The following CCDC85A variants were observed in gnomAD, a reference collection of about 807,000 sequenced individuals.
CCDC85A encodes the protein coiled-coil domain containing 85A.
Under a neutral mutation model 50.2 loss-of-function variants are expected in CCDC85A, and 38 were observed. The ratio of observed to expected loss-of-function variants is 0.76; its 90% CI spans 0.58 to 0.99. CCDC85A has a LOEUF of 0.99. Ranked by LOEUF, CCDC85A falls within the 50% of genes least tolerant of loss-of-function variation. The pLI is 0.00. For synonymous variants in CCDC85A, 366 were observed against 301.4 expected, an observed-to-expected ratio of 1.21 and a Z score of -2.22; for missense variants, 820 against 742.0, an observed-to-expected ratio of 1.11 and a Z score of -1.22.
chr2:56,259,745 A>C (rs1670141894), intron 2 of CCDC85A, among the ~76,000 whole-genome samples: 1 of 152,174 alleles, frequency 6.6e-6, no homozygotes, highest in South Asian at 2.1e-4. Context: ...CATTAGCCAA[A>C]GTTCTGCCCT....
At chr2:56,204,927 A>G (rs1025384605) in intron 2 of CCDC85A, among the ~76,000 whole-genome samples, 29 of 152,312 alleles carry the variant, frequency 1.9e-4, no homozygotes, top group Non-Finnish European at 1.5e-4. Flanking sequence ...TAAACAGGCT[A>G]TAGTAGAGGT....
intron 2 of CCDC85A, among the ~76,000 whole-genome samples, chr2:56,235,034 C>T (rs767499659): frequency 6.6e-6 from 1 of 152,124 alleles, no homozygotes; most frequent in Non-Finnish European, 1.5e-5. Flanking sequence ...CTTTTAGGGT[C>T]ATTAATTTCC....
intron 2 of CCDC85A, among the ~76,000 whole-genome samples, chr2:56,245,735 TCTCTAAGAGG>T (rs1250384063): frequency 6.6e-6 from 1 of 151,998 alleles, no homozygotes; most frequent in African/African-American, 2.4e-5. Context: ...GGAGGTGGGG[TCTCTAAGAGG>T]TGAGACCTCT....
intron 2 of CCDC85A, among the ~76,000 whole-genome samples, chr2:56,229,464 C>T (rs1668686345): frequency 6.6e-6 from 1 of 152,084 alleles, no homozygotes; most frequent in Admixed American, 6.6e-5. Flanking sequence ...TCAGTGATTG[C>T]CCACCATTTT....
intron 2 of CCDC85A, among the ~76,000 whole-genome samples, chr2:56,292,798 C>T (rs1207635671): frequency 1.3e-5 from 2 of 152,174 alleles, no homozygotes; most frequent in African/African-American, 4.8e-5. Flanking sequence ...GAGTATCATT[C>T]TATTCCATTA....
chr2:56,196,092 T>C (rs1177580187), intron 2 of CCDC85A, among the ~76,000 whole-genome samples: 12 of 152,212 alleles, frequency 7.9e-5, no homozygotes. Flanking sequence ...CAAGAGTTTC[T>C]TTTGGGAATG....
chr2:56,245,690 C>A (rs1224025500), intron 2 of CCDC85A, among the ~76,000 whole-genome samples: 2 of 152,158 alleles, frequency 1.3e-5, no homozygotes, highest in African/African-American at 4.8e-5. Context: ...ATATGCCCTT[C>A]CCAAAATTCA....
intron 2 of CCDC85A, 118 bp downstream of exon 2, chr2:56,193,558 G>A: frequency 8.5e-7 from 1 of 1,181,734 alleles, no homozygotes; most frequent in East Asian, 2.6e-5. Flanking sequence ...GAGTGGGTTT[G>A]GGGAAGGAGC....
intron 3 of CCDC85A, among the ~76,000 whole-genome samples, chr2:56,351,769 T>C (rs1166030708): frequency 6.6e-6 from 1 of 151,184 alleles, no homozygotes; most frequent in Non-Finnish European, 1.5e-5. Context: ...GTCAGATGAG[T>C]AGGTTGCGAA....
chr2:56,385,592 A>C lies in CCDC85A; in HGVS notation c.*1237A>C, dbSNP rs1558670723. On this transcript the variant is annotated 3_prime_UTR_variant, in exon 6 of 6. Transcript: ENST00000407595. ...TTTTTATGGTAGTTTAAGATTATAA[A>C]AGTAGAAATGCAACAATTCCCAGTT... 1 of 152,190 alleles carries C rather than the reference A, an allele frequency of 6.6e-6. No individual in the cohort carries two copies. Among genetic ancestry groups the C allele is most frequent in the Non-Finnish European group, 1.5e-5 (1 of 67,826 alleles). 9.4% of individuals were successfully genotyped at this position (152,190 alleles called of 1,614,324 possible).
At chr2:56,239,369 T>C (rs1669157165) in intron 2 of CCDC85A, among the ~76,000 whole-genome samples, 1 of 152,230 alleles carries the variant, frequency 6.6e-6, no homozygotes, top group Non-Finnish European at 1.5e-5. Flanking sequence ...TTATGAAACC[T>C]GGCGGACTAA....
intron 2 of CCDC85A, among the ~76,000 whole-genome samples, chr2:56,227,729 T>C (rs1418908629): frequency 6.6e-6 from 1 of 152,070 alleles, no homozygotes; most frequent in Non-Finnish European, 1.5e-5. Context: ...ATTTTTTTTT[T>C]TGGTGTATTT....
intron 2 of CCDC85A, among the ~76,000 whole-genome samples, chr2:56,229,230 T>A (rs1294170441): frequency 6.6e-6 from 1 of 152,206 alleles, no homozygotes; most frequent in Non-Finnish European, 1.5e-5. Flanking sequence ...CCAGTGTTTT[T>A]CCCCTTTACC....
intron 2 of CCDC85A, among the ~76,000 whole-genome samples, chr2:56,303,003 T>C (rs1558631472): frequency 6.6e-6 from 1 of 152,192 alleles, no homozygotes; most frequent in Non-Finnish European, 1.5e-5. Flanking sequence ...CCTGGCTCCA[T>C]GAAGCAGGTC....
intron 2 of CCDC85A, among the ~76,000 whole-genome samples, chr2:56,203,593 C>T (rs1392406639): frequency 6.6e-6 from 1 of 151,994 alleles, no homozygotes; most frequent in Non-Finnish European, 1.5e-5. Context: ...ATACAAAAGA[C>T]ATTGATTTGA....
intron 2 of CCDC85A, among the ~76,000 whole-genome samples, chr2:56,251,512 A>G (rs915216124): frequency 4.0e-5 from 6 of 151,798 alleles, no homozygotes; most frequent in Admixed American, 3.9e-4. Flanking sequence ...TTCCTTCTCT[A>G]TTAATAAATA....
intron 2 of CCDC85A, among the ~76,000 whole-genome samples, chr2:56,294,413 G>A (rs545570039): frequency 9.9e-5 from 15 of 152,264 alleles, no homozygotes; most frequent in South Asian, 2.1e-4. Context: ...ACAAACCTGC[G>A]CGTCCTGCAC....
chr2:56,329,544 T>A (rs1339042105), intron 2 of CCDC85A, among the ~76,000 whole-genome samples: 1 of 152,216 alleles, frequency 6.6e-6, no homozygotes, highest in Non-Finnish European at 1.5e-5. Flanking sequence ...CTAAACTAAC[T>A]GGATTTATTT....
chr2:56,234,193 C>T (rs549650206), intron 2 of CCDC85A, among the ~76,000 whole-genome samples: 1 of 152,258 alleles, frequency 6.6e-6, no homozygotes, highest in Non-Finnish European at 1.5e-5. Flanking sequence ...AACCATGAGC[C>T]CATAGACTTT....
Sources: allele counts gnomAD v4.1 joint callset (sites outside exome capture counted in the v4.1 genomes callset), GRCh38; gene constraint gnomAD v4.1.1; transcripts MANE v1.5; gene names NCBI Gene and HGNC (gene_info 2026-07-23, HGNC 2026-07-21).